RGL1: variants seen among roughly 807,000 people sequenced by gnomAD.
The protein encoded by RGL1 is ral guanine nucleotide dissociation stimulator-like 1.
A neutral mutation model predicts 95.2 loss-of-function variants in RGL1; 24 were observed. The ratio of observed to expected loss-of-function variants is 0.25; its 90% CI spans 0.18 to 0.35. The LOEUF (loss-of-function observed/expected upper bound fraction) is 0.35. Among genes scored for constraint, RGL1 ranks in the 10% least tolerant of loss-of-function variants. The pLI, the probability that RGL1 is intolerant of heterozygous loss-of-function variation, is 1.00. For missense variants in RGL1, 715 were observed against 936.3 expected, an observed-to-expected ratio of 0.76 and a Z score of 3.08; for synonymous variants, 329 against 344.9, an observed-to-expected ratio of 0.95 and a Z score of 0.51.
rs566437511 is a variant in RGL1, at chr1:183,667,928, A to G, written c.-33+31427A>G. On this transcript the variant is annotated intron_variant, in intron 1 of 18. Coordinates refer to the RGL1 transcript ENST00000304685. ...CGGCTTCAGGTAGTACAAGTACTAT[A>G]TAATAACAAAATATTTCTACTCTCT... is the stretch of plus-strand genomic sequence containing the variant. Among the ~76,000 whole-genome samples, 20 of 145,560 alleles carry G rather than the reference A, an allele frequency of 1.4e-4. No homozygotes were observed. In the East Asian group the frequency reaches 3.9e-3, roughly 28 times the overall value.
At chr1:183,822,072 A>G in intron 2 of RGL1, among the ~76,000 whole-genome samples, 1 of 152,194 alleles carries the variant, frequency 6.6e-6, no homozygotes, top group East Asian at 1.9e-4. Context: ...TTCTAAATAA[A>G]TGACACTGTA....
intron 1 of RGL1, among the ~76,000 whole-genome samples, chr1:183,718,722 C>G (rs1655795252): frequency 6.6e-6 from 1 of 151,912 alleles, no homozygotes; most frequent in Non-Finnish European, 1.5e-5. Context: ...CGAGACCAGC[C>G]TGACCAACAT....
chr1:183,745,445 G>A (rs1282453456), intron 2 of RGL1, among the ~76,000 whole-genome samples: 1 of 151,902 alleles, frequency 6.6e-6, no homozygotes, highest in Non-Finnish European at 1.5e-5. Context: ...TTTCCTAAAA[G>A]TTCTAAAAGT....
upstream of RGL1, among the ~76,000 whole-genome samples, chr1:183,802,563 C>T (rs1054914818): frequency 1.2e-4 from 15 of 129,522 alleles, no homozygotes; most frequent in African/African-American, 2.5e-4. Context: ...TCTTTCAACC[C>T]GTAAACACGG....
chr1:183,841,907 CAGAATGGGGA>C (rs1427494711), intron 2 of RGL1, among the ~76,000 whole-genome samples: 1 of 152,120 alleles, frequency 6.6e-6, no homozygotes, highest in Non-Finnish European at 1.5e-5. Flanking sequence ...TTTGGATTTT[CAGAATGGGGA>C]TACTTGAATG....
chr1:183,721,888 A>C (rs957441005), intron 1 of RGL1, among the ~76,000 whole-genome samples: 1 of 152,230 alleles, frequency 6.6e-6, no homozygotes, highest in African/African-American at 2.4e-5. Flanking sequence ...TTATGTGATC[A>C]TTTATGTAAT....
chr1:183,705,181 C>G (rs918149544), intron 1 of RGL1, among the ~76,000 whole-genome samples: 7 of 152,010 alleles, frequency 4.6e-5, no homozygotes, highest in African/African-American at 9.7e-5. Context: ...GAACTCAGAG[C>G]CTAAAATATC....
In RGL1 at chr1:183,904,870, G is replaced by A. The variant is rs1338578402; in HGVS notation, c.1371G>A (p.Gln457=). The part of the protein sequence containing the change: ...KRRREFEVIA[Q]IKLLQSACNS... ...TTTAGGAATTTGAAGTGATTGCCCA[G>A]ATAAAGCTCTTACAGTCTGCCTGCA... The change falls in exon 13 of 18, where the codon CAG becomes CAA. Residue 457 remains glutamine (Q), a synonymous_variant. Coordinates refer to ENST00000360851, the MANE Select transcript of RGL1 (RefSeq NM_001297671.3). The A allele has an allele frequency of 6.2e-7, 1 of 1,612,188 alleles. No individual in the cohort carries two copies. Among genetic ancestry groups the A allele is most frequent in the South Asian group, 1.1e-5 (1 of 90,518 alleles).
intron 1 of RGL1, among the ~76,000 whole-genome samples, chr1:183,716,335 A>G (rs948940255): frequency 2.0e-5 from 3 of 152,298 alleles, no homozygotes; most frequent in African/African-American, 7.2e-5. Flanking sequence ...AGACTCCAAA[A>G]TTTCTACTGG....
chr1:183,846,541 T>TAAA (rs888979625), intron 2 of RGL1, among the ~76,000 whole-genome samples: 18 of 149,850 alleles, frequency 1.2e-4, no homozygotes, highest in South Asian at 8.4e-4. Flanking sequence ...GTATAATTTT[T>TAAA]AAAAAAAAAA....
intron 1 of RGL1, among the ~76,000 whole-genome samples, chr1:183,674,170 A>G (rs185150242): frequency 1.2e-4 from 19 of 152,208 alleles, no homozygotes; most frequent in Admixed American, 1.2e-3. Context: ...CCAGCTCAGG[A>G]TTCACATTTC....
At chr1:183,680,670 G>A (rs543985791) in intron 1 of RGL1, among the ~76,000 whole-genome samples, 3 of 151,918 alleles carry the variant, frequency 2.0e-5, no homozygotes, top group Non-Finnish European at 4.4e-5. Flanking sequence ...GCTCTTTTTT[G>A]GTTCCATATG....
chr1:183,698,215 T>C (rs773903868), intron 1 of RGL1, among the ~76,000 whole-genome samples: 3 of 152,246 alleles, frequency 2.0e-5, no homozygotes, highest in Non-Finnish European at 4.4e-5. Flanking sequence ...TTGTTAAACA[T>C]TGACCAGCAC....
At position 183,668,405 on chromosome 1, in the gene RGL1, C is replaced by T. The variant is rs1652192557; in HGVS notation, c.-33+31904C>T. ...CTTGCTTGCATTGTTTTTGAGAAAT[C>T]ATGTGTAATTTTTATCTTTACTTCT... On this transcript the variant is annotated intron_variant, in intron 1 of 18. Coordinates refer to the RGL1 transcript ENST00000304685. 2.6e-5 allele frequency among the ~76,000 whole-genome samples: 4 copies of T among 151,988 alleles called. No individual in the cohort carries two copies. The South Asian group carries it at 8.3e-4, about 32-fold the overall frequency.
intron 2 of RGL1, among the ~76,000 whole-genome samples, chr1:183,763,157 CAT>C (rs2102311347): frequency 6.6e-6 from 1 of 152,256 alleles, no homozygotes; most frequent in Admixed American, 6.5e-5. Flanking sequence ...CCAGACACCA[CAT>C]ATTCTCACTC....
At chr1:183,733,288 T>C (rs994457291) in intron 1 of RGL1, among the ~76,000 whole-genome samples, 4 of 152,194 alleles carry the variant, frequency 2.6e-5, no homozygotes, top group Non-Finnish European at 5.9e-5. Flanking sequence ...TATGTCAAGC[T>C]CAAGTCTTTG....
intron 12 of RGL1, among the ~76,000 whole-genome samples, chr1:183,904,611 C>G (rs1273414070): frequency 2.0e-5 from 3 of 152,000 alleles, no homozygotes; most frequent in Admixed American, 2.0e-4. Context: ...ATTGCTTTCT[C>G]AAGGAGAAAA....
chr1:183,637,254 T>C (rs1271953562), intron 1 of RGL1, among the ~76,000 whole-genome samples: 2 of 152,248 alleles, frequency 1.3e-5, no homozygotes, highest in African/African-American at 4.8e-5. Context: ...ACTAGTCTTA[T>C]AAATTTCTTA....
At position 183,712,175 on chromosome 1, in the gene RGL1, G is replaced by T. The variant is rs140243658; in HGVS notation, c.-32-29951G>T. On this transcript the variant is annotated intron_variant, in intron 1 of 18. Transcript: ENST00000304685. Reference sequence around the variant, plus strand: ...TAATTTCCTGGCAGGAACTGGCCTGGGAGGGCCCTTGACAGATGTTGCACA... The same window carrying T: ...TAATTTCCTGGCAGGAACTGGCCTGTGAGGGCCCTTGACAGATGTTGCACA... 3.3e-5 allele frequency among the ~76,000 whole-genome samples: 5 copies of T among 152,346 alleles called. No homozygotes were observed. In the East Asian group the frequency reaches 9.6e-4, roughly 29 times the overall value.
Sources: allele counts gnomAD v4.1 joint callset (sites outside exome capture counted in the v4.1 genomes callset), GRCh38; gene constraint gnomAD v4.1.1; transcripts MANE v1.5; gene names NCBI Gene and HGNC (gene_info 2026-07-23, HGNC 2026-07-21).